The following GPC6 variants were observed in gnomAD, a reference collection of about 807,000 sequenced individuals.
GPC6 encodes the protein glypican 6.
GPC6 carries 14 observed loss-of-function variants against 55.2 expected under a neutral mutation model. The ratio of observed to expected loss-of-function variants is 0.25; its 90% CI spans 0.17 to 0.40. The LOEUF (loss-of-function observed/expected upper bound fraction) is 0.40. GPC6 is among the 10% of genes least tolerant of loss of function. The pLI, the probability that GPC6 is intolerant of heterozygous loss-of-function variation, is 1.00. For missense variants in GPC6, 641 were observed against 708.5 expected, an observed-to-expected ratio of 0.90 and a Z score of 1.08; for synonymous variants, 278 against 259.6, an observed-to-expected ratio of 1.07 and a Z score of -0.68.
chr13:94,195,678 G>A (rs1406177747), intron 4 of GPC6, among the ~76,000 whole-genome samples: 1 of 152,198 alleles, frequency 6.6e-6, no homozygotes, highest in Non-Finnish European at 1.5e-5. Context: ...ATACCTGGAA[G>A]ATGTAGTAAG....
intron 2 of GPC6, among the ~76,000 whole-genome samples, chr13:93,813,157 A>C (rs892724237): frequency 2.3e-4 from 35 of 152,286 alleles, no homozygotes; most frequent in Admixed American, 4.6e-4. Flanking sequence ...TAACCTCATA[A>C]AATGTATATT....
intron 6 of GPC6, among the ~76,000 whole-genome samples, chr13:94,318,505 C>G (rs571515376): frequency 6.6e-6 from 1 of 152,236 alleles, no homozygotes; most frequent in South Asian, 2.1e-4. Context: ...CTCGTGCGTG[C>G]GCTCTCTAAA....
rs187299130 is a variant in GPC6 at position 93,537,325 on chromosome 13, T to C, written c.161-7938T>C. Reference sequence around the variant, plus strand: ...ATAGTTCTTGTTAATTTAACTTTTATGTCTGGAAAAATTTTGAAAATGGTG... The same window carrying C: ...ATAGTTCTTGTTAATTTAACTTTTACGTCTGGAAAAATTTTGAAAATGGTG... On this transcript the variant is annotated intron_variant, in intron 1 of 8. Transcript: ENST00000377047. 4.6e-4 allele frequency among the ~76,000 whole-genome samples: 70 copies of C among 152,326 alleles called. 1 individual carries two copies. The East Asian group carries it at 0.011, about 24-fold the overall frequency.
intron 2 of GPC6, among the ~76,000 whole-genome samples, chr13:93,595,635 A>T (rs1877693351): frequency 1.3e-5 from 2 of 152,152 alleles, no homozygotes; most frequent in Non-Finnish European, 2.9e-5. Flanking sequence ...CTCATTCCAT[A>T]AAATCTAATG....
At chr13:93,554,063 G>A (rs937836282) in intron 2 of GPC6, among the ~76,000 whole-genome samples, 2 of 151,124 alleles carry the variant, frequency 1.3e-5, no homozygotes, top group Admixed American at 6.6e-5. Flanking sequence ...CACAAGAATC[G>A]CTTGAACCCA....
At chr13:93,267,300 C>G (rs975088252) in intron 1 of GPC6, among the ~76,000 whole-genome samples, 1 of 151,952 alleles carries the variant, frequency 6.6e-6, no homozygotes, top group African/African-American at 2.4e-5. Flanking sequence ...TAATGTAGAT[C>G]TTCCAAAAAG....
chr13:94,081,866 A>G (rs1594720903), intron 4 of GPC6, among the ~76,000 whole-genome samples: 1 of 99,676 alleles, frequency 1.0e-5, no homozygotes, highest in East Asian at 2.0e-4. Flanking sequence ...TTTGAGACAC[A>G]GTCCCCCTCT....
chr13:93,737,526 T>A (rs1212461637), intron 2 of GPC6, among the ~76,000 whole-genome samples: 1 of 152,168 alleles, frequency 6.6e-6, no homozygotes, highest in African/African-American at 2.4e-5. Context: ...ATTCATCGAT[T>A]TATTTTTAGA....
At chr13:94,053,605 A>G (rs1354360485) in intron 4 of GPC6, among the ~76,000 whole-genome samples, 1 of 152,166 alleles carries the variant, frequency 6.6e-6, no homozygotes, top group Non-Finnish European at 1.5e-5. Context: ...TTGTCCCAAC[A>G]TAATTATAGC....
rs550953061 is a variant in GPC6, at chr13:94,119,906, G to T, written c.877+92012G>T. Among the ~76,000 whole-genome samples, 44 of 152,138 alleles carry T rather than the reference G, an allele frequency of 2.9e-4. 2 individuals carry two copies. The South Asian group carries it at 9.1e-3, about 32-fold the overall frequency. Reference sequence around the variant, plus strand: ...GCAGGACGTTGCTGAATGTGGAGCTGGGAAGGGAAGTGCAGCGGTACCAAC... The same window carrying T: ...GCAGGACGTTGCTGAATGTGGAGCTTGGAAGGGAAGTGCAGCGGTACCAAC... On this transcript the variant is annotated intron_variant, in intron 4 of 8. Transcript: ENST00000377047.
intron 2 of GPC6, among the ~76,000 whole-genome samples, chr13:93,766,685 A>G (rs1885138723): frequency 6.6e-6 from 1 of 152,148 alleles, no homozygotes; most frequent in Non-Finnish European, 1.5e-5. Flanking sequence ...TTTTATCATT[A>G]TTTATCATTA....
intron 3 of GPC6, among the ~76,000 whole-genome samples, chr13:93,943,815 A>G (rs1878854806): frequency 6.6e-6 from 1 of 152,196 alleles, no homozygotes; most frequent in Non-Finnish European, 1.5e-5. Context: ...GGTGATTTAG[A>G]GGGAATAGCT....
intron 3 of GPC6, among the ~76,000 whole-genome samples, chr13:94,018,148 A>G (rs1331742714): frequency 6.6e-6 from 1 of 151,942 alleles, no homozygotes; most frequent in Non-Finnish European, 1.5e-5. Context: ...GATTTCATTA[A>G]ATTTCTTTTC....
intron 2 of GPC6, among the ~76,000 whole-genome samples, chr13:93,601,793 A>G (rs1215887065): frequency 6.6e-6 from 1 of 152,226 alleles, no homozygotes; most frequent in African/African-American, 2.4e-5. Context: ...TTTGAGAGAG[A>G]AGTCTCCTCT....
In GPC6 at chr13:94,014,168, A is replaced by G. The variant is rs574795962; in HGVS notation, c.712-13561A>G. ...GTTTCAGAGTGTAGACATTTTAATC[A>G]GTATTCAAATGGAATTAGAAGGCCC... is the stretch of plus-strand genomic sequence containing the variant. On this transcript the variant is annotated intron_variant, in intron 3 of 8. Coordinates refer to ENST00000377047, the MANE Select transcript of GPC6 (RefSeq NM_005708.5). Among the ~76,000 whole-genome samples, 3 of 152,298 alleles carry G rather than the reference A, an allele frequency of 2.0e-5. No individual in the cohort carries two copies. In the East Asian group the frequency reaches 5.8e-4, roughly 29 times the overall value.
At chr13:93,938,406 G>C (rs1267999859) in intron 3 of GPC6, among the ~76,000 whole-genome samples, 1 of 152,106 alleles carries the variant, frequency 6.6e-6, no homozygotes, top group Non-Finnish European at 1.5e-5. Context: ...GCTAGAGTGG[G>C]CTATTTCATA....
chr13:93,844,431 C>T (rs539298739), intron 3 of GPC6, among the ~76,000 whole-genome samples: 4 of 152,186 alleles, frequency 2.6e-5, no homozygotes, highest in Non-Finnish European at 4.4e-5. Context: ...GCCATCACGC[C>T]TGGCCGGTAA....
At chr13:93,787,566 G>A (rs1038737433) in intron 2 of GPC6, among the ~76,000 whole-genome samples, 12 of 152,080 alleles carry the variant, frequency 7.9e-5, no homozygotes, top group African/African-American at 1.9e-4. Context: ...TTATTGATAC[G>A]TATTAGATGT....
intron 3 of GPC6, among the ~76,000 whole-genome samples, chr13:93,880,460 C>G (rs930543655): frequency 3.9e-5 from 6 of 151,954 alleles, no homozygotes; most frequent in Non-Finnish European, 8.8e-5. Context: ...CAAACTATCG[C>G]AAGAACAAAA....
Sources: gnomAD v4.1 joint callset for allele counts (sites outside exome capture counted in the v4.1 genomes callset) on GRCh38, gnomAD v4.1.1 for gene constraint, MANE v1.5 for transcripts, NCBI Gene and HGNC (gene_info 2026-07-23, HGNC 2026-07-21) for gene names.